HYAL1: variants seen among roughly 807,000 people sequenced by gnomAD.
HYAL1 encodes the protein hyaluronidase-1.
In HYAL1, 21 loss-of-function variants were observed where a neutral mutation model predicts 28.8. The observed-to-expected ratio is 0.73, with a 90% CI of 0.52 to 1.05. The LOEUF is 1.05. HYAL1 is among the 50% of genes least tolerant of loss of function. The pLI, the probability that HYAL1 is intolerant of heterozygous loss-of-function variation, is 0.00. For missense variants in HYAL1, 491 were observed against 579.2 expected, an observed-to-expected ratio of 0.85 and a Z score of 1.56; for synonymous variants, 200 against 230.1, an observed-to-expected ratio of 0.87 and a Z score of 1.18.
Position 50,300,199 on chromosome 3 carries a change from C to T in HYAL1, c.*284G>A. ...TGAATGTCAGCCTTTGTGATTGCTGCAGTTCAAAGACTGGCTCAGTGTCTC... is the reference window on the plus strand; with the variant it reads ...TGAATGTCAGCCTTTGTGATTGCTGTAGTTCAAAGACTGGCTCAGTGTCTC... On this transcript the variant is annotated 3_prime_UTR_variant, in exon 4 of 4. Coordinates refer to ENST00000395144, the MANE Select transcript of HYAL1 (RefSeq NM_033159.4). 2 of 476,018 alleles carry T rather than the reference C, an allele frequency of 4.2e-6. No homozygotes were observed. The highest frequency in any genetic ancestry group is 7.7e-6 in the Non-Finnish European group (2 of 258,234). 29.5% of individuals were successfully genotyped at this position (476,018 alleles called of 1,614,324 possible). A position where few individuals can be genotyped will look rare whatever the true frequency, so the allele number is the denominator to read the frequency against.
chr3:50,302,144 A>G lies in HYAL1; in HGVS notation c.813T>C (p.Arg271=). 1 of 1,614,162 alleles carries G rather than the reference A, an allele frequency of 6.2e-7. No homozygotes were observed. Among genetic ancestry groups the G allele is most frequent in the Non-Finnish European group, 8.5e-7 (1 of 1,180,020 alleles). The stretch of plus-strand genomic sequence containing the variant: ...TGGGGTCACCAGCAGCCACAGCCAC[A>G]CGGAATGCCTCGGCCACACGGTGTT... ...YVQHRVAEAF[R]VAVAAGDPNL... The change falls in exon 2 of 4, where the codon CGT becomes CGC. Residue 271 remains arginine (R), a synonymous_variant. Transcript: ENST00000395144. This position sits in a 1 kb window ranked among gnomAD's most constrained non-coding sequence, Gnocchi z 5.0.
chr3:50,303,287 G>T (rs1047625768), intron 1 of HYAL1, 179 bp downstream of exon 1: 5 of 226,880 alleles, frequency 2.2e-5, no homozygotes, highest in African/African-American at 1.1e-4. Context: ...TGGGAAGAGT[G>T]GCTGACAGCC....
chr3:50,300,942 C>CGGGGGGGGGGGGGG, intron 3 of HYAL1, 46 bp downstream of exon 3: 2 of 535,870 alleles, frequency 3.7e-6, no homozygotes, highest in Non-Finnish European at 7.3e-6. Flanking sequence ...AGCTTAATGG[C>CGGGGGGGGGGGGGG]CCCACCCCTC....
Position 50,301,052 on chromosome 3 carries a change from T to TC in HYAL1, c.925dup (p.Glu309GlyfsTer75). 1 of 1,605,094 alleles carries TC rather than the reference T, an allele frequency of 6.2e-7. No homozygotes were observed. Among genetic ancestry groups the TC allele is most frequent in the Non-Finnish European group, 8.5e-7 (1 of 1,175,546 alleles). On this transcript the variant is annotated frameshift_variant, in exon 3 of 4. Coordinates refer to ENST00000395144, the MANE Select transcript of HYAL1 (RefSeq NM_033159.4). LOFTEE classifies it high-confidence loss of function. Reference sequence around the variant, plus strand: ...TCCAGCTGCCCCCTGGGCCGCACTCTCCCCCAGGCTGTGCTCCAGCTCATC... The same window carrying TC: ...TCCAGCTGCCCCCTGGGCCGCACTCTCCCCCCAGGCTGTGCTCCAGCTCATC...
rs782293738 is a variant in HYAL1 at position 50,300,622 on chromosome 3, T to C, written c.1169A>G (p.Gln390Arg). 5.0e-6 allele frequency: 8 copies of C among 1,614,026 alleles called. No individual in the cohort carries two copies. Among genetic ancestry groups the C allele is most frequent in the Non-Finnish European group, 6.8e-6 (8 of 1,179,952 alleles). ...CAGGGGCCCACCACCAGGCGTGAGC[T>C]GGATGGAGAAACTGGCAGGGTTAAG... Reference protein sequence around the residue: ...LLLNPASFSIQLTPGGGPLSL... With the variant: ...LLLNPASFSIRLTPGGGPLSL... The change falls in exon 4 of 4, where the codon CAG (glutamine) becomes CGG (arginine). Residue 390 changes from glutamine to arginine, a missense_variant. By Grantham distance (43) the Gln-to-Arg change is conservative. Coordinates refer to ENST00000395144, the MANE Select transcript of HYAL1 (RefSeq NM_033159.4).
chr3:50,312,009 CG>C, intron 1 of HYAL1, among the ~76,000 whole-genome samples: 1 of 138,536 alleles, frequency 7.2e-6, no homozygotes, highest in African/African-American at 2.6e-5. Flanking sequence ...GGCGGCTGGC[CG>C]GGTGGGAGGC....
intron 1 of HYAL1, among the ~76,000 whole-genome samples, chr3:50,310,558 A>C (rs1702424529): frequency 6.6e-6 from 1 of 151,010 alleles, no homozygotes; most frequent in Admixed American, 6.6e-5. Flanking sequence ...GAGCCACTGC[A>C]ATCGGCCACT....
At position 50,302,071 on chromosome 3, in the gene HYAL1, G is replaced by C. The variant is rs587658260; in HGVS notation, c.886C>G (p.His296Asp). The change falls in exon 2 of 4, where the codon CAC becomes GAC. Residue 296 changes from histidine to aspartate, a missense_variant. Physicochemically the swap from His to Asp is moderately conservative, Grantham distance 81. Coordinates refer to ENST00000395144, the MANE Select transcript of HYAL1 (RefSeq NM_033159.4). The surrounding 1 kb of genome is among the most constrained non-coding windows in gnomAD (Gnocchi z 5.0). ...AGAAGACTCACCAGGGGCAGAAAGTGGTTTGTCGTGTCATAGAAGATCTGG... is the reference window on the plus strand; with the variant it reads ...AGAAGACTCACCAGGGGCAGAAAGTCGTTTGTCGTGTCATAGAAGATCTGG... ...YVQIFYDTTN[H>D]FLPLDELEHS... The C allele has an allele frequency of 5.9e-5, 95 of 1,614,198 alleles. No individual in the cohort carries two copies. In the South Asian group the frequency reaches 9.8e-4, roughly 17 times the overall value.
In HYAL1 at chr3:50,302,129, A is replaced by AGCAGCC. The variant is rs1368149676; in HGVS notation, c.822_827dup (p.Ala275_Ala276dup). 36 of 1,614,046 alleles carry AGCAGCC rather than the reference A, an allele frequency of 2.2e-5. No homozygotes were observed. The highest frequency in any genetic ancestry group is 3.0e-5 in the Non-Finnish European group (35 of 1,180,040). On this transcript the variant is annotated inframe_insertion, in exon 2 of 4. Coordinates refer to ENST00000395144, the MANE Select transcript of HYAL1 (RefSeq NM_033159.4). This position sits in a 1 kb window ranked among gnomAD's most constrained non-coding sequence, Gnocchi z 5.0. Reference sequence around the variant, plus strand: ...GCAGCACCGGCAGATTGGGGTCACCAGCAGCCACAGCCACACGGAATGCCT... The same window carrying AGCAGCC: ...GCAGCACCGGCAGATTGGGGTCACCAGCAGCCGCAGCCACAGCCACACGGAATGCCT...
At chr3:50,307,376 A>T, upstream of HYAL1, among the ~76,000 whole-genome samples, 2 of 148,580 alleles carry the variant, frequency 1.3e-5, 1 homozygote, top group African/African-American at 5.1e-5. Context: ...AAAAAATAAA[A>T]AATAAAAAAT....
chr3:50,311,000 C>T (rs1382135614), intron 1 of HYAL1, among the ~76,000 whole-genome samples: 1 of 152,186 alleles, frequency 6.6e-6, no homozygotes, highest in South Asian at 2.1e-4. Context: ...ACGTCTACAT[C>T]TTTCTACACA....
At chr3:50,312,346 G>C (rs1412817350) in exon 1 of HYAL1, 2 of 168,622 alleles carry the variant, frequency 1.2e-5, no homozygotes, top group South Asian at 1.1e-4. Context: ...CTCACATCCC[G>C]GACGGGGCGA....
upstream of HYAL1, among the ~76,000 whole-genome samples, chr3:50,306,364 G>A (rs909282621): frequency 2.7e-5 from 4 of 148,984 alleles, no homozygotes; most frequent in African/African-American, 1.0e-4. Flanking sequence ...TTTTTTTCCT[G>A]CTTCTGGGAT....
intron 2 of HYAL1, among the ~76,000 whole-genome samples, chr3:50,309,473 A>G (rs1307391202): frequency 6.6e-6 from 1 of 151,136 alleles, no homozygotes; most frequent in Non-Finnish European, 1.5e-5. Flanking sequence ...AAAAAAAAAA[A>G]AAAAAAAAGA....
In HYAL1 at chr3:50,302,867, C is replaced by T. The variant is rs2109309118; in HGVS notation, c.90G>A (p.Arg30=). ...QGFRGPLLPN[R]PFTTVWNANT... is the part of the protein sequence containing the mutation. The stretch of plus-strand genomic sequence containing the variant: ...TTGCATTCCAGACGGTGGTGAAGGG[C>T]CGGTTGGGTAGCAAGGGGCCCCTAA... Residue 30 remains arginine (R), a synonymous_variant, in exon 2 of 4, where the codon CGG becomes CGA. Coordinates refer to ENST00000395144, the MANE Select transcript of HYAL1 (RefSeq NM_033159.4). This position sits in a 1 kb window ranked among gnomAD's most constrained non-coding sequence, Gnocchi z 5.0. 6.2e-7 allele frequency: 1 copy of T among 1,613,238 alleles called. No homozygotes were observed.
At chr3:50,308,734 CTTT>C (rs587625905) in intron 2 of HYAL1, among the ~76,000 whole-genome samples, 4 of 117,282 alleles carry the variant, frequency 3.4e-5, no homozygotes, top group Non-Finnish European at 3.5e-5. Flanking sequence ...CGTGCCTGGC[CTTT>C]TTTTTTTTTT....
chr3:50,308,308 G>A (rs1702378239), upstream of HYAL1, among the ~76,000 whole-genome samples: 1 of 150,464 alleles, frequency 6.6e-6, no homozygotes, highest in South Asian at 2.1e-4. Context: ...TGTATTTTTG[G>A]TAGACATGGG....
chr3:50,300,253 T>C lies in HYAL1; in HGVS notation c.*230A>G, dbSNP rs1702063816. 1 of 586,204 alleles carries C rather than the reference T, an allele frequency of 1.7e-6. No individual in the cohort carries two copies. The highest frequency in any genetic ancestry group is 1.8e-5 in the African/African-American group (1 of 54,422). 36.3% of individuals were successfully genotyped at this position (586,204 alleles called of 1,614,324 possible). On this transcript the variant is annotated 3_prime_UTR_variant, in exon 4 of 4. Transcript: ENST00000395144. ...AGGAATTGTCTATGACCTTGCCAAG[T>C]AGATGCATATGGACATGGAATGAAT... is the stretch of plus-strand genomic sequence containing the variant.
upstream of HYAL1, among the ~76,000 whole-genome samples, chr3:50,304,290 AAAAAAAATATATATATATATATATATAT>A (rs1162300330): frequency 0.021 from 1,270 of 59,408 alleles, 195 homozygotes; most frequent in Admixed American, 0.2. Flanking sequence ...AAAAAAAAAA[AAAAAAAATATATATATATATATATATAT>A]ATATATATAT....
Sources: allele counts gnomAD v4.1 joint callset (sites outside exome capture counted in the v4.1 genomes callset), GRCh38; gene constraint gnomAD v4.1.1; non-coding constraint Gnocchi (gnomAD v3.1); transcripts MANE v1.5; gene names NCBI Gene and HGNC (gene_info 2026-07-23, HGNC 2026-07-21).